PLD5: variants seen among roughly 807,000 people sequenced by gnomAD.
PLD5 encodes phospholipase D family member 5.
A neutral mutation model predicts 61.1 loss-of-function variants in PLD5; 36 were observed. That is an observed-to-expected ratio of 0.59 (90% CI 0.45 to 0.78). PLD5 has a LOEUF of 0.78. Ranked by LOEUF, PLD5 falls within the 30% of genes least tolerant of loss-of-function variation. The pLI is 0.00. For synonymous variants in PLD5, 243 were observed against 242.8 expected, an observed-to-expected ratio of 1.00 and a Z score of -0.01; for missense variants, 515 against 644.4, an observed-to-expected ratio of 0.80 and a Z score of 2.17.
intron 1 of PLD5, among the ~76,000 whole-genome samples, chr1:242,521,557 G>A (rs1490561419): frequency 8.9e-6 from 1 of 112,850 alleles, no homozygotes; most frequent in Admixed American, 8.5e-5. Context: ...TACTTAGATT[G>A]GCTTTTAAAG....
At chr1:242,149,666 CACAT>C (rs896850497) in intron 5 of PLD5, among the ~76,000 whole-genome samples, 41 of 136,294 alleles carry the variant, frequency 3.0e-4, no homozygotes, top group Middle Eastern at 7.1e-3. Context: ...AAGTTTTATA[CACAT>C]ACACACACAC....
chr1:242,231,987 A>C (rs1321247395), intron 4 of PLD5, among the ~76,000 whole-genome samples: 1 of 151,846 alleles, frequency 6.6e-6, no homozygotes, highest in Non-Finnish European at 1.5e-5. Context: ...CAATGTAAGC[A>C]AAAATGACGA....
chr1:242,334,111 C>G (rs188748075), intron 2 of PLD5, among the ~76,000 whole-genome samples: 1 of 152,178 alleles, frequency 6.6e-6, no homozygotes, highest in East Asian at 1.9e-4. Context: ...TACTAATCTA[C>G]ACTCCCACCA....
intron 3 of PLD5, among the ~76,000 whole-genome samples, chr1:242,278,254 G>A (rs1674522882): frequency 6.6e-6 from 1 of 151,926 alleles, no homozygotes; most frequent in South Asian, 2.1e-4. Context: ...AAGATACAGA[G>A]AAAAAATAAA....
At chr1:242,315,880 A>G (rs888283814) in intron 2 of PLD5, among the ~76,000 whole-genome samples, 4 of 152,188 alleles carry the variant, frequency 2.6e-5, no homozygotes, top group African/African-American at 9.6e-5. Flanking sequence ...AATTAGTTTG[A>G]TAAGACAGCC....
intron 2 of PLD5, among the ~76,000 whole-genome samples, chr1:242,315,587 G>A (rs1156959946): frequency 2.6e-5 from 4 of 152,150 alleles, no homozygotes; most frequent in East Asian, 3.9e-4. Flanking sequence ...TGCAGTTCCA[G>A]TGGGTATTGA....
At chr1:242,252,443 T>A in intron 4 of PLD5, among the ~76,000 whole-genome samples, 1 of 152,198 alleles carries the variant, frequency 6.6e-6, no homozygotes, top group Admixed American at 6.5e-5. Flanking sequence ...CCAGTCATGG[T>A]GGCCCACACC....
At chr1:242,424,957 C>T (rs775726486) in intron 1 of PLD5, among the ~76,000 whole-genome samples, 2 of 152,106 alleles carry the variant, frequency 1.3e-5, no homozygotes, top group Non-Finnish European at 2.9e-5. Flanking sequence ...GATGGTGAAA[C>T]CTCGTCTGTA....
chr1:242,142,149 A>G (rs1664218047), intron 5 of PLD5, among the ~76,000 whole-genome samples: 1 of 152,208 alleles, frequency 6.6e-6, no homozygotes, highest in South Asian at 2.1e-4. Flanking sequence ...CCTCCTCTTC[A>G]TGAAGACTTC....
intron 4 of PLD5, among the ~76,000 whole-genome samples, chr1:242,221,595 C>T (rs1670592037): frequency 6.6e-6 from 1 of 152,190 alleles, no homozygotes. Context: ...GAGGGGAAGA[C>T]AGCACCCAGG....
At chr1:242,364,013 A>G (rs1047932038) in intron 1 of PLD5, among the ~76,000 whole-genome samples, 1 of 152,174 alleles carries the variant, frequency 6.6e-6, no homozygotes, top group African/African-American at 2.4e-5. Flanking sequence ...TTTGAAAAAT[A>G]TAATGGCCAA....
intron 4 of PLD5, among the ~76,000 whole-genome samples, chr1:242,226,685 T>G (rs1023941496): frequency 3.9e-5 from 6 of 152,198 alleles, no homozygotes; most frequent in Non-Finnish European, 5.9e-5. Context: ...TTTTACCCGC[T>G]TCTTGGGAAG....
intron 4 of PLD5, among the ~76,000 whole-genome samples, chr1:242,230,500 A>AAATC (rs1164425488): frequency 1.3e-5 from 2 of 152,206 alleles, no homozygotes; most frequent in Non-Finnish European, 2.9e-5. Flanking sequence ...ACAATGAAAA[A>AAATC]AATCATAGTT....
chr1:242,322,063 C>G (rs1425604670), intron 2 of PLD5, among the ~76,000 whole-genome samples: 1 of 152,128 alleles, frequency 6.6e-6, no homozygotes, highest in Admixed American at 6.6e-5. Flanking sequence ...TTCCACAGAC[C>G]ATCTAGAAGC....
intron 5 of PLD5, among the ~76,000 whole-genome samples, chr1:242,171,766 C>A (rs1046851616): frequency 6.6e-6 from 1 of 150,382 alleles, no homozygotes; most frequent in African/African-American, 2.4e-5. Flanking sequence ...ATAAAACAGA[C>A]TTTAAACCAA....
intron 5 of PLD5, among the ~76,000 whole-genome samples, chr1:242,165,951 A>G (rs1666273376): frequency 6.6e-6 from 1 of 152,210 alleles, no homozygotes; most frequent in African/African-American, 2.4e-5. Flanking sequence ...CTGACTGTTC[A>G]GTCCTTCCTT....
chr1:242,468,184 T>C (rs1667333347), intron 1 of PLD5, among the ~76,000 whole-genome samples: 2 of 152,198 alleles, frequency 1.3e-5, no homozygotes, highest in South Asian at 2.1e-4. Flanking sequence ...GTTTTCATAG[T>C]GATTTATTGA....
At chr1:242,105,612 G>A (rs938745864) in intron 8 of PLD5, among the ~76,000 whole-genome samples, 1 of 152,186 alleles carries the variant, frequency 6.6e-6, no homozygotes, top group African/African-American at 2.4e-5. Flanking sequence ...AAATGATATA[G>A]AGAACAGATC....
At position 242,163,183 on chromosome 1, in the gene PLD5, A is replaced by G. The variant is rs187121545; in HGVS notation, c.736-38518T>C. Among the ~76,000 whole-genome samples, 456 of 143,092 alleles carry G rather than the reference A, an allele frequency of 3.2e-3. 2 individuals are homozygous for G. Among genetic ancestry groups the G allele is most frequent in the Middle Eastern group, 0.012 (3 of 258 alleles). 93.9% of individuals were successfully genotyped at this position (143,092 alleles called of 152,430 possible). ...TGAGACGACGGAGTCTCACTCTGTC[A>G]CCCAGGCTGGAGTGCAGTGGCGCGA... On this transcript the variant is annotated intron_variant, in intron 5 of 9. Transcript: ENST00000536534.
Sources: gnomAD v4.1 joint callset for allele counts (sites outside exome capture counted in the v4.1 genomes callset) on GRCh38, gnomAD v4.1.1 for gene constraint, MANE v1.5 for transcripts, NCBI Gene and HGNC (gene_info 2026-07-23, HGNC 2026-07-21) for gene names.